Variants in GPR119 observed in about 807,000 individuals in gnomAD.
The protein encoded by GPR119 is glucose-dependent insulinotropic receptor.
GPR119 carries 7 observed loss-of-function variants against 13.3 expected under a neutral mutation model. That is an observed-to-expected ratio of 0.53 (90% confidence interval 0.30 to 0.99). The LOEUF (loss-of-function observed/expected upper bound fraction) is 0.99. GPR119 is among the 50% of genes least tolerant of loss of function. The probability of loss-of-function intolerance (pLI) is 0.06; values close to 1 mark genes in which losing one functional copy is unlikely to be tolerated. For missense variants in GPR119, 197 were observed against 263.0 expected (o/e 0.75, Z 1.74); for synonymous variants, 107 against 112.5 (o/e 0.95, Z 0.31).
rs748026531 is a variant in GPR119, at chrX:130,385,483, G to A, written c.-36C>T. On this transcript the variant is annotated 5_prime_UTR_variant, in exon 1 of 2. Transcript: ENST00000682440. ...GGCAGGACTTCACTTACCAGGGCATGCTATCTCTCCAGCTGAAATTCTCAT... is the reference window on the plus strand; with the variant it reads ...GGCAGGACTTCACTTACCAGGGCATACTATCTCTCCAGCTGAAATTCTCAT... 3 of 1,169,680 alleles carry A rather than the reference G, an allele frequency of 2.6e-6. No homozygotes were observed. The Admixed American group carries it at 6.6e-5, about 26-fold the overall frequency.
At position 130,379,751 on chromosome X, in the gene GPR119, T is replaced by C. The variant is rs182241062; in HGVS notation, c.*2805A>G. 6.0e-4 allele frequency among the ~76,000 whole-genome samples: 68 copies of C among 112,573 alleles called. No individual in the cohort carries two copies. Among genetic ancestry groups the C allele is most frequent in the Non-Finnish European group, 1.1e-3 (59 of 53,347 alleles). On this transcript the variant is annotated 3_prime_UTR_variant, in exon 2 of 2. Transcript: ENST00000682440. ...AGATGAAGGAGAATAACAGTGGTCA[T>C]CTCTGGATAGTATAATTATGGGTAC... is the stretch of plus-strand genomic sequence containing the variant.
rs780777704 is a variant in GPR119, at chrX:130,384,478, G to C, written c.970C>G (p.His324Asp). 3 of 1,211,565 alleles carry C rather than the reference G, an allele frequency of 2.5e-6. No homozygotes were observed. The highest frequency in any genetic ancestry group is 3.4e-6 in the Non-Finnish European group (3 of 895,223). The change falls in exon 1 of 2, where the codon CAC becomes GAC. Residue 324 changes from histidine to aspartate, a missense_variant. His to Asp is a moderately conservative substitution (Grantham distance 81). Coordinates refer to ENST00000682440, the MANE Select transcript of GPR119 (RefSeq NM_178471.3). ...GPERPRESSC[H>D]IVTISSSEFD... ...TCTGAGCTGGAGATAGTGACGATGT[G>C]ACAGGAACTTTCCCTGGGCCTCTCT...
At position 130,380,321 on chromosome X, in the gene GPR119, A is replaced by G. The variant is rs2034353307; in HGVS notation, c.*2235T>C. Reference sequence around the variant, plus strand: ...TGAACCAGTTAACACTTCTCCTTCTAGGGAGAAGATATCCCAAGGCTATCT... The same window carrying G: ...TGAACCAGTTAACACTTCTCCTTCTGGGGAGAAGATATCCCAAGGCTATCT... On this transcript the variant is annotated 3_prime_UTR_variant, in exon 2 of 2. Coordinates refer to ENST00000682440, the MANE Select transcript of GPR119 (RefSeq NM_178471.3). Among the ~76,000 whole-genome samples the G allele has an allele frequency of 8.9e-6, 1 of 112,220 alleles. No homozygotes were observed. The highest frequency in any genetic ancestry group is 3.7e-4 in the South Asian group (1 of 2,689).
rs185539569 is a variant in GPR119, at chrX:130,379,971, G to A, written c.*2585C>T. Among the ~76,000 whole-genome samples the A allele has an allele frequency of 5.2e-4, 59 of 112,528 alleles. No individual in the cohort carries two copies. The highest frequency in any genetic ancestry group is 1.8e-3 in the African/African-American group (57 of 31,038). The stretch of plus-strand genomic sequence containing the variant: ...GTGGACAGACGGATGAATGAATGAC[G>A]ATTGGCATTTGTAGGCACCATCATT... On this transcript the variant is annotated 3_prime_UTR_variant, in exon 2 of 2. Coordinates refer to ENST00000682440, the MANE Select transcript of GPR119 (RefSeq NM_178471.3).
chrX:130,384,994 T>G lies in GPR119; in HGVS notation c.454A>C (p.Lys152Gln). The G allele has an allele frequency of 8.3e-7, 1 of 1,211,082 alleles. No homozygotes were observed. Among genetic ancestry groups the G allele is most frequent in the Non-Finnish European group, 1.1e-6 (1 of 894,766 alleles). Residue 152 changes from lysine (K) to glutamine (Q), a missense_variant, in exon 1 of 2, where the codon AAA becomes CAA. Coordinates refer to ENST00000682440, the MANE Select transcript of GPR119 (RefSeq NM_178471.3). Reference sequence around the variant, plus strand: ...ACAGCAAAGAAGCTGCACTGCCCTTTGTAGGCAGTCTGCTGGAACATGGGG... The same window carrying G: ...ACAGCAAAGAAGCTGCACTGCCCTTGGTAGGCAGTCTGCTGGAACATGGGG... ...GIPMFQQTAY[K>Q]GQCSFFAVFH...
At position 130,384,840 on chromosome X, in the gene GPR119, T is replaced by TC. The variant is rs2034376198; in HGVS notation, c.607dup (p.Glu203GlyfsTer132). 8.3e-7 allele frequency: 1 copy of TC among 1,212,100 alleles called. No individual in the cohort carries two copies. Among genetic ancestry groups the TC allele is most frequent in the African/African-American group, 1.7e-5 (1 of 57,856 alleles). ...ACCTCCAGCCATGGCTCCTGCATGT[T>TC]CCATCTTTCGAATCTGCTGGCTGTG... On this transcript the variant is annotated frameshift_variant, in exon 1 of 2. Coordinates refer to ENST00000682440, the MANE Select transcript of GPR119 (RefSeq NM_178471.3). LOFTEE classifies it high-confidence loss of function.
rs763262224 is a variant in GPR119, at chrX:130,384,791, G to A, written c.657C>T (p.Ser219=). The part of the protein sequence containing the change: ...AGGYRSPRTP[S]DFKALRTVSV... Reference sequence around the variant, plus strand: ...ACACAGTACGGAGAGCTTTGAAGTCGCTGGGAGTCCGTGGGGATCGATAAC... The same window carrying A: ...ACACAGTACGGAGAGCTTTGAAGTCACTGGGAGTCCGTGGGGATCGATAAC... The change falls in exon 1 of 2, where the codon AGC becomes AGT. Residue 219 remains serine, a synonymous_variant. Transcript: ENST00000682440. 13 of 1,210,005 alleles carry A rather than the reference G, an allele frequency of 1.1e-5. No homozygotes were observed. In the African/African-American group the frequency reaches 1.2e-4, roughly 11 times the overall value.
chrX:130,384,548 C>A lies in GPR119; in HGVS notation c.900G>T (p.Val300=). The A allele has an allele frequency of 8.3e-7, 1 of 1,211,533 alleles. No individual in the cohort carries two copies. The highest frequency in any genetic ancestry group is 1.1e-6 in the Non-Finnish European group (1 of 895,080). ...LYHMALGVKK[V]LTSFLLFLSA... is the part of the protein sequence containing the mutation. ...AGAGAAAGAGGAGGAATGAGGTGAG[C>A]ACCTTCTTCACTCCTAGGGCCATGT... is the stretch of plus-strand genomic sequence containing the variant. Residue 300 remains valine, a synonymous_variant, in exon 1 of 2, where the codon GTG becomes GTT. Transcript: ENST00000682440.
chrX:130,384,427 T>C lies in GPR119; in HGVS notation c.*4+9A>G. The C allele has an allele frequency of 1.7e-6, 2 of 1,201,727 alleles. No individual in the cohort carries two copies. The highest frequency in any genetic ancestry group is 2.2e-6 in the Non-Finnish European group (2 of 889,501). Reference sequence around the variant, plus strand: ...GGAGAAAGGCACTTTGAAACTTCTCTGCCCTTACCGTCTTAGCCATCAAAC... The same window carrying C: ...GGAGAAAGGCACTTTGAAACTTCTCCGCCCTTACCGTCTTAGCCATCAAAC... On this transcript the variant is annotated intron_variant, in intron 1 of 1. Transcript: ENST00000682440.
rs1335072310 is a variant in GPR119, at chrX:130,384,753, C to T, written c.695G>A (p.Gly232Glu). 8.3e-7 allele frequency: 1 copy of T among 1,211,527 alleles called. No homozygotes were observed. Among genetic ancestry groups the T allele is most frequent in the South Asian group, 1.8e-5 (1 of 56,972 alleles). ...GGGGGTCCAGGATAGAGCAAAGCTC[C>T]CAATGAGAACAGACACAGTACGGAG... ...KALRTVSVLI[G>E]SFALSWTPFL... Residue 232 changes from glycine to glutamate, a missense_variant, in exon 1 of 2, where the codon GGG (glycine) becomes GAG (glutamate). Gly to Glu is a moderately conservative substitution (Grantham distance 98). Transcript: ENST00000682440.
rs1160206407 is a variant in GPR119 at position 130,380,157 on chromosome X, C to A, written c.*2399G>T. ...AGGAGTTGTGGTCTGTCATTGGGTC[C>A]ATTGCTATTCTTGTTTTTGCTGATT... On this transcript the variant is annotated 3_prime_UTR_variant, in exon 2 of 2. Transcript: ENST00000682440. 8.9e-6 allele frequency among the ~76,000 whole-genome samples: 1 copy of A among 112,202 alleles called. No individual in the cohort carries two copies. The highest frequency in any genetic ancestry group is 9.5e-5 in the Admixed American group (1 of 10,579).
rs1470160429 is a variant in GPR119, at chrX:130,381,223, T to A, written c.*1333A>T. 9.0e-6 allele frequency among the ~76,000 whole-genome samples: 1 copy of A among 111,434 alleles called. No individual in the cohort carries two copies. The highest frequency in any genetic ancestry group is 3.3e-5 in the African/African-American group (1 of 30,571). On this transcript the variant is annotated 3_prime_UTR_variant, in exon 2 of 2. Coordinates refer to ENST00000682440, the MANE Select transcript of GPR119 (RefSeq NM_178471.3). ...TGGAGTGCAGTGGCGCGACCTTGGC[T>A]CACTGCAACCTCTGCCGCCCAGGTT...
In GPR119 at chrX:130,385,082, G is replaced by A. The variant is rs200249394; in HGVS notation, c.366C>T (p.Ala122=). ...ACCACAGCCCGGCAATGCAGGCCCC[G>A]GCCACGAACCCACTCATGATCTTCA... The part of the protein sequence containing the change: ...RYLKIMSGFV[A]GACIAGLWLV... The change falls in exon 1 of 2, where the codon GCC becomes GCT. Residue 122 remains alanine (A), a synonymous_variant. Transcript: ENST00000682440. The A allele has an allele frequency of 7.0e-5, 85 of 1,210,590 alleles. No individual in the cohort carries two copies. Among genetic ancestry groups the A allele is most frequent in the South Asian group, 1.4e-4 (8 of 56,860 alleles).
intron 1 of GPR119, among the ~76,000 whole-genome samples, chrX:130,383,048 C>T (rs2034365412): frequency 9.0e-6 from 1 of 111,460 alleles, no homozygotes; most frequent in Admixed American, 9.5e-5. Flanking sequence ...CTTTTGTTGT[C>T]AACTTGGCAG....
At chrX:130,384,121 T>C in intron 1 of GPR119, among the ~76,000 whole-genome samples, 1 of 112,765 alleles carries the variant, frequency 8.9e-6, no homozygotes, top group Non-Finnish European at 1.9e-5. Context: ...TGCTCTGGTA[T>C]ACTCAAAAAT....
rs2034378261 is a variant in GPR119 at position 130,385,073 on chromosome X, G to T, written c.375C>A (p.Cys125Ter). 1 of 1,210,584 alleles carries T rather than the reference G, an allele frequency of 8.3e-7. No individual in the cohort carries two copies. The highest frequency in any genetic ancestry group is 1.1e-6 in the Non-Finnish European group (1 of 895,342). The change falls in exon 1 of 2, where the codon TGC becomes TGA. Residue 125 changes from cysteine to a stop codon, truncating the protein, a stop_gained. Coordinates refer to ENST00000682440, the MANE Select transcript of GPR119 (RefSeq NM_178471.3). LOFTEE classifies it high-confidence loss of function. Reference sequence around the variant, plus strand: ...AAGACACTAACCACAGCCCGGCAATGCAGGCCCCGGCCACGAACCCACTCA... The same window carrying T: ...AAGACACTAACCACAGCCCGGCAATTCAGGCCCCGGCCACGAACCCACTCA... Reference protein sequence around the residue: ...KIMSGFVAGACIAGLWLVSYL... With the variant: ...KIMSGFVAGA
rs371048901 is a variant in GPR119, at chrX:130,384,472, C to T, written c.976G>A (p.Val326Ile). The T allele has an allele frequency of 1.3e-5, 16 of 1,209,339 alleles. No homozygotes were observed. The highest frequency in any genetic ancestry group is 3.0e-5 in the East Asian group (1 of 33,765). ...ERPRESSCHI[V>I]TISSSEFDG The stretch of plus-strand genomic sequence containing the variant: ...TCAAACTCTGAGCTGGAGATAGTGA[C>T]GATGTGACAGGAACTTTCCCTGGGC... The change falls in exon 1 of 2, where the codon GTC becomes ATC. Residue 326 changes from valine (V) to isoleucine (I), a missense_variant. By Grantham distance (29) the Val-to-Ile change is conservative. Transcript: ENST00000682440.
chrX:130,381,777 A>G lies in GPR119; in HGVS notation c.*779T>C, dbSNP rs2034359962. ...TTTTTGAGCACTAACAATGTGCTGT[A>G]GTTTACTAGATATTTACATATACAT... On this transcript the variant is annotated 3_prime_UTR_variant, in exon 2 of 2. Transcript: ENST00000682440. Among the ~76,000 whole-genome samples, 1 of 112,118 alleles carries G rather than the reference A, an allele frequency of 8.9e-6. No homozygotes were observed.
rs199934748 is a variant in GPR119, at chrX:130,385,453, G to A, written c.-6C>T. 14 of 1,200,847 alleles carry A rather than the reference G, an allele frequency of 1.2e-5. No homozygotes were observed. The highest frequency in any genetic ancestry group is 3.6e-5 in the South Asian group (2 of 55,116). ...AATGAGAAAGATGATTCCATGTCTC[G>A]AAGTGGCAGGACTTCACTTACCAGG... On this transcript the variant is annotated 5_prime_UTR_variant, in exon 1 of 2. Transcript: ENST00000682440.
Sources: allele counts gnomAD v4.1 joint callset (sites outside exome capture counted in the v4.1 genomes callset), GRCh38; gene constraint gnomAD v4.1.1; transcripts MANE v1.5; gene names NCBI Gene and HGNC (gene_info 2026-07-23, HGNC 2026-07-21).